Variants in MLH3 observed in about 807,000 individuals in gnomAD.
MLH3 encodes the protein DNA mismatch repair protein Mlh3.
Under a neutral mutation model 122.2 loss-of-function variants are expected in MLH3, and 82 were observed. The ratio of observed to expected loss-of-function variants is 0.67; its 90% CI spans 0.56 to 0.81. The LOEUF is 0.81. MLH3 is among the 30% of genes least tolerant of loss of function. The pLI is 0.00. For synonymous variants in MLH3, 524 were observed against 599.5 expected (o/e 0.87, Z 1.84); for missense variants, 1,539 against 1,714.5 (o/e 0.90, Z 1.81).
intron 9 of MLH3, among the ~76,000 whole-genome samples, chr14:75,023,644 T>C (rs956659726): frequency 6.6e-6 from 1 of 152,134 alleles, no homozygotes; most frequent in African/African-American, 2.4e-5. Context: ...GATATTAATA[T>C]TTACAAAAGA....
rs1303519460 is a variant in MLH3, at chr14:75,048,454, T to G, written c.1202A>C (p.Tyr401Ser). 6.2e-7 allele frequency: 1 copy of G among 1,612,658 alleles called. No homozygotes were observed. The highest frequency in any genetic ancestry group is 2.2e-5 in the East Asian group (1 of 44,872). ...QEACNNILDS[Y>S]EMFNLQSKAV... The stretch of plus-strand genomic sequence containing the variant: ...TTTTGACTGCAAATTAAACATCTCA[T>G]AGGAATCTAAAATATTATTACATGC... The change falls in exon 2 of 13, where the codon TAT becomes TCT. Residue 401 changes from tyrosine to serine, a missense_variant. Physicochemically the swap from Tyr to Ser is moderately radical, Grantham distance 144. Transcript: ENST00000355774.
intron 5 of MLH3, among the ~76,000 whole-genome samples, chr14:75,039,446 C>T (rs1207953005): frequency 6.6e-6 from 1 of 152,076 alleles, no homozygotes; most frequent in African/African-American, 2.4e-5. Context: ...ACAAAGGGTC[C>T]CTTTTGTGAA....
intron 7 of MLH3, 84 bp downstream of exon 7, chr14:75,033,335 A>C: frequency 9.6e-7 from 1 of 1,040,216 alleles, no homozygotes; most frequent in Non-Finnish European, 1.5e-6. Flanking sequence ...CTTTCTCACA[A>C]CAGTTGCAGT....
At chr14:75,021,872 T>C (rs1318370202) in intron 11 of MLH3, among the ~76,000 whole-genome samples, 4 of 152,152 alleles carry the variant, frequency 2.6e-5, no homozygotes, top group Non-Finnish European at 4.4e-5. Flanking sequence ...TAAAGACACA[T>C]GCATGTGTTA....
In MLH3 at chr14:75,016,194, G is replaced by A. The variant is rs181069483; in HGVS notation, c.*888C>T. Reference sequence around the variant, plus strand: ...CATAATGTAATAACACCAAGATACCGTTTGAAAGGGACCCAAAGAACCCTT... The same window carrying A: ...CATAATGTAATAACACCAAGATACCATTTGAAAGGGACCCAAAGAACCCTT... On this transcript the variant is annotated 3_prime_UTR_variant, in exon 13 of 13. Coordinates refer to ENST00000355774, the MANE Select transcript of MLH3 (RefSeq NM_001040108.2). 150 of 218,324 alleles carry A rather than the reference G, an allele frequency of 6.9e-4. No individual in the cohort carries two copies. The East Asian group carries it at 7.7e-3, about 11-fold the overall frequency. The allele number at this position is 218,324 out of a possible 1,614,324, so 13.5% of individuals were successfully genotyped here. A position where few individuals can be genotyped will look rare whatever the true frequency, so the allele number is the denominator to read the frequency against.
intron 6 of MLH3, among the ~76,000 whole-genome samples, chr14:75,037,211 A>C (rs1045132216): frequency 6.6e-6 from 1 of 152,120 alleles, no homozygotes; most frequent in African/African-American, 2.4e-5. Context: ...CACAAATTGC[A>C]TGGTTGTTCC....
At position 75,039,896 on chromosome 14, in the gene MLH3, A is replaced by G. The variant is rs745592245; in HGVS notation, c.3570+15T>C. On this transcript the variant is annotated intron_variant, in intron 5 of 12. Coordinates refer to ENST00000355774, the MANE Select transcript of MLH3 (RefSeq NM_001040108.2). Reference sequence around the variant, plus strand: ...ATATATATATATTTATGAGATTTTGAAGTTAATCTTTTACCTGCATTGAAT... The same window carrying G: ...ATATATATATATTTATGAGATTTTGGAGTTAATCTTTTACCTGCATTGAAT... The G allele has an allele frequency of 2.3e-6, 2 of 881,664 alleles. No homozygotes were observed. Among genetic ancestry groups the G allele is most frequent in the South Asian group, 1.4e-5 (1 of 72,714 alleles). 54.6% of individuals were successfully genotyped at this position (881,664 alleles called of 1,614,324 possible). A position where few individuals can be genotyped will look rare whatever the true frequency, so the allele number is the denominator to read the frequency against.
chr14:75,026,856 T>C (rs1472975095), intron 9 of MLH3, among the ~76,000 whole-genome samples: 1 of 152,144 alleles, frequency 6.6e-6, no homozygotes, highest in African/African-American at 2.4e-5. Flanking sequence ...CCCAGCACTT[T>C]GGGAGGCCAC....
rs1555346244 is a variant in MLH3, at chr14:75,049,259, A to C, written c.397T>G (p.Cys133Gly). ...CTTGCTCTAGTCACATCAGCTTCACAAGCTTTCAGGGCTTTTCCACTCTGA... is the reference window on the plus strand; with the variant it reads ...CTTGCTCTAGTCACATCAGCTTCACCAGCTTTCAGGGCTTTTCCACTCTGA... The part of the protein sequence containing the change: ...LFQSGKALKA[C>G]EADVTRASAG... The change falls in exon 2 of 13, where the codon TGT becomes GGT. Residue 133 changes from cysteine (C) to glycine (G), a missense_variant. Cys to Gly is a radical substitution (Grantham distance 159, BLOSUM62 -3). Coordinates refer to ENST00000355774, the MANE Select transcript of MLH3 (RefSeq NM_001040108.2). 2 of 1,614,234 alleles carry C rather than the reference A, an allele frequency of 1.2e-6. No individual in the cohort carries two copies. Among genetic ancestry groups the C allele is most frequent in the Non-Finnish European group, 1.7e-6 (2 of 1,180,032 alleles).
chr14:75,047,953 G>A lies in MLH3; in HGVS notation c.1703C>T (p.Ala568Val), dbSNP rs1421318723. 1.2e-6 allele frequency: 2 copies of A among 1,613,876 alleles called. No individual in the cohort carries two copies. Among genetic ancestry groups the A allele is most frequent in the Admixed American group, 1.7e-5 (1 of 60,004 alleles). Residue 568 changes from alanine to valine, a missense_variant, in exon 2 of 13, where the codon GCA becomes GTA. By Grantham distance (64) the Ala-to-Val change is moderately conservative. Coordinates refer to ENST00000355774, the MANE Select transcript of MLH3 (RefSeq NM_001040108.2). ...TEVGCQPLPF[A>V]TTLWGVHSAQ... is the part of the protein sequence containing the mutation. Reference sequence around the variant, plus strand: ...ACTATGTACTCCCCATAATGTTGTTGCAAAAGGCAGAGGCTGGCATCCCAC... The same window carrying A: ...ACTATGTACTCCCCATAATGTTGTTACAAAAGGCAGAGGCTGGCATCCCAC...
At chr14:75,039,866 T>C (rs1891702512) in intron 5 of MLH3, 45 bp downstream of exon 5, 1 of 371,532 alleles carries the variant, frequency 2.7e-6, no homozygotes. Context: ...TATATATATA[T>C]ATATATATAT....
chr14:75,048,984 T>G lies in MLH3; in HGVS notation c.672A>C (p.Arg224Ser). ...IYGLGKSQKL[R>S]EISFKYKEFE... ...ACTCTTTATATTTAAAACTTATTTC[T>G]CTTAGCTTTTGGGACTTTCCCAATC... The change falls in exon 2 of 13, where the codon AGA (arginine) becomes AGC (serine). Residue 224 changes from arginine to serine, a missense_variant. Physicochemically the swap from Arg to Ser is moderately radical, Grantham distance 110. Transcript: ENST00000355774. The G allele has an allele frequency of 1.2e-6, 2 of 1,613,980 alleles. No homozygotes were observed. The highest frequency in any genetic ancestry group is 1.7e-6 in the Non-Finnish European group (2 of 1,179,946).
In MLH3 at chr14:75,017,270, G is replaced by A. The variant is rs56345310; in HGVS notation, c.4243-69C>T. The A allele has an allele frequency of 9.4e-5, 144 of 1,524,322 alleles. 1 individual carries two copies. In the East Asian group the frequency reaches 3.1e-3, roughly 33 times the overall value. 94.4% of individuals were successfully genotyped at this position (1,524,322 alleles called of 1,614,324 possible). ...AGGTAGCATACAGGCTGGGCGAGGT[G>A]ACTCACACCTGTAATCCCAGCACTC... On this transcript the variant is annotated intron_variant, in intron 12 of 12. Transcript: ENST00000355774.
In MLH3 at chr14:75,033,497, G is replaced by A. The variant is rs765057175; in HGVS notation, c.3644-7C>T. On this transcript the variant is annotated splice_polypyrimidine_tract_variant and splice_region_variant and intron_variant, in intron 6 of 12. Coordinates refer to ENST00000355774, the MANE Select transcript of MLH3 (RefSeq NM_001040108.2). Reference sequence around the variant, plus strand: ...AGCACGAGCAGGTTCCCACCTAGATGAGCAAGGATTGTGAACTTTGATTCT... The same window carrying A: ...AGCACGAGCAGGTTCCCACCTAGATAAGCAAGGATTGTGAACTTTGATTCT... 6 of 1,612,160 alleles carry A rather than the reference G, an allele frequency of 3.7e-6. No individual in the cohort carries two copies. The Admixed American group carries it at 6.7e-5, about 18-fold the overall frequency.
chr14:75,022,118 T>A (rs1890319683), intron 11 of MLH3, among the ~76,000 whole-genome samples: 2 of 152,126 alleles, frequency 1.3e-5, no homozygotes, highest in African/African-American at 4.8e-5. Flanking sequence ...AAACATTGAA[T>A]ACACATAGAA....
At chr14:75,042,881 T>C (rs1287734678) in intron 2 of MLH3, among the ~76,000 whole-genome samples, 1 of 151,892 alleles carries the variant, frequency 6.6e-6, no homozygotes, top group African/African-American at 2.4e-5. Flanking sequence ...GTTCAAGCAA[T>C]TCTCCTGCCT....
At chr14:75,042,740 C>A (rs1891943999) in intron 2 of MLH3, among the ~76,000 whole-genome samples, 3 of 150,876 alleles carry the variant, frequency 2.0e-5, no homozygotes, top group African/African-American at 7.3e-5. Flanking sequence ...CACTGGGGGG[C>A]AATTTTGCAC....
At position 75,048,752 on chromosome 14, in the gene MLH3, GT is replaced by G. The variant is rs1183592160; in HGVS notation, c.903del (p.Glu301AspfsTer7). 1.9e-6 allele frequency: 3 copies of G among 1,614,020 alleles called. No homozygotes were observed. The highest frequency in any genetic ancestry group is 2.7e-5 in the African/African-American group (2 of 74,930). ...NSSLRHRSTPELYGIYVINVQ... is the reference protein window; with the variant it reads ...NSSLRHRSTPXLYGIYVINVQ... Reference sequence around the variant, plus strand: ...ACATTAATTACATATATGCCATAGAGTTCTGGGGTAGACCGGTGCCGAAGAC... The same window carrying G: ...ACATTAATTACATATATGCCATAGAGTCTGGGGTAGACCGGTGCCGAAGAC... On this transcript the variant is annotated frameshift_variant, in exon 2 of 13. Transcript: ENST00000355774. LOFTEE classifies it high-confidence loss of function.
chr14:75,039,846 C>CATATATATATATATATATATATAT (rs145063005), intron 5 of MLH3, 65 bp downstream of exon 5: 14 of 322,252 alleles, frequency 4.3e-5, no homozygotes, highest in Non-Finnish European at 6.4e-5. Context: ...AGAGTTAGGC[C>CATATATATATATATATATATATAT]ATATATATAT....
Sources: gnomAD v4.1 joint callset for allele counts (sites outside exome capture counted in the v4.1 genomes callset) on GRCh38, gnomAD v4.1.1 for gene constraint, MANE v1.5 for transcripts, NCBI Gene and HGNC (gene_info 2026-07-23, HGNC 2026-07-21) for gene names.